The following RTN1 variants were observed in gnomAD, a reference collection of about 807,000 sequenced individuals.
RTN1 encodes the protein reticulon 1.
A neutral mutation model predicts 65.5 loss-of-function variants in RTN1; 25 were observed. The ratio of observed to expected loss-of-function variants is 0.38; its 90% CI spans 0.28 to 0.53. RTN1 has a LOEUF of 0.53. Among genes scored for constraint, RTN1 ranks in the 20% least tolerant of loss-of-function variants. The probability of loss-of-function intolerance (pLI) is 0.79; values close to 1 mark genes in which losing one functional copy is unlikely to be tolerated. For missense variants in RTN1, 983 were observed against 1,025.4 expected (o/e 0.96, Z 0.57); for synonymous variants, 471 against 447.6 (o/e 1.05, Z -0.66).
chr14:59,818,948 A>G (rs1886872187), intron 1 of RTN1, among the ~76,000 whole-genome samples: 1 of 152,142 alleles, frequency 6.6e-6, no homozygotes, highest in East Asian at 1.9e-4. Context: ...GTGAGTGTTA[A>G]AGCTCTTAAA....
intron 3 of RTN1, among the ~76,000 whole-genome samples, chr14:59,693,064 C>T (rs1015736363): frequency 9.2e-5 from 14 of 152,146 alleles, no homozygotes; most frequent in African/African-American, 3.4e-4. Context: ...ATGGAGGTCA[C>T]ATGAATGGGC....
At chr14:59,758,232 T>C (rs1045742318) in intron 1 of RTN1, among the ~76,000 whole-genome samples, 1 of 152,118 alleles carries the variant, frequency 6.6e-6, no homozygotes, top group African/African-American at 2.4e-5. Context: ...TCCTAAGTGT[T>C]CTCCAGCTTC....
chr14:59,624,641 T>C (rs1401523424), intron 3 of RTN1, among the ~76,000 whole-genome samples: 3 of 152,126 alleles, frequency 2.0e-5, no homozygotes, highest in African/African-American at 4.8e-5. Context: ...TTTGTATTTT[T>C]AGTAGAGATG....
Position 59,694,120 on chromosome 14 carries a change from C to T in RTN1, c.1765+32799G>A, listed in dbSNP as rs372947814. ...ATACCACCTTTCAGCAAAGGGTCTT[C>T]ATCGCCTTTTCCTTCTTTAGCCAGG... On this transcript the variant is annotated intron_variant, in intron 3 of 8. Transcript: ENST00000267484. Among the ~76,000 whole-genome samples the T allele has an allele frequency of 4.5e-4, 69 of 152,290 alleles. 2 individuals are homozygous for T. Among genetic ancestry groups the T allele is most frequent in the East Asian group, 2.3e-3 (12 of 5,182 alleles).
chr14:59,690,870 G>GA (rs899066921), intron 3 of RTN1, among the ~76,000 whole-genome samples: 2 of 151,766 alleles, frequency 1.3e-5, no homozygotes, highest in African/African-American at 4.8e-5. Flanking sequence ...AAGGTATAAA[G>GA]AAAAAAAATT....
chr14:59,650,827 C>T (rs1029802042), intron 3 of RTN1, among the ~76,000 whole-genome samples: 1 of 152,148 alleles, frequency 6.6e-6, no homozygotes, highest in Non-Finnish European at 1.5e-5. Context: ...AATGGCCATA[C>T]TGGCCAAAGA....
At chr14:59,733,687 A>AG (rs1047413276) in intron 2 of RTN1, among the ~76,000 whole-genome samples, 3 of 152,096 alleles carry the variant, frequency 2.0e-5, no homozygotes, top group Non-Finnish European at 4.4e-5. Flanking sequence ...TCCTCCTTGC[A>AG]GGGGGGTCCT....
chr14:59,797,450 T>C (rs568536734), intron 1 of RTN1, among the ~76,000 whole-genome samples: 94 of 152,260 alleles, frequency 6.2e-4, no homozygotes, highest in Non-Finnish European at 1.2e-3. Flanking sequence ...CAGTCTTCTG[T>C]CCTGTAAAGC....
At position 59,846,490 on chromosome 14, in the gene RTN1, A is replaced by G. The variant is rs1887413186; in HGVS notation, c.241+23900T>C. 6.6e-6 allele frequency among the ~76,000 whole-genome samples: 1 copy of G among 151,742 alleles called. No homozygotes were observed. Among genetic ancestry groups the G allele is most frequent in the African/African-American group, 2.4e-5 (1 of 41,284 alleles). On this transcript the variant is annotated intron_variant, in intron 1 of 8. Coordinates refer to ENST00000267484, the MANE Select transcript of RTN1 (RefSeq NM_021136.3). This position sits in a 1 kb window ranked among gnomAD's most constrained non-coding sequence, Gnocchi z 4.8. ...CTTTGTTCCTGAGGTCTCAGTATTC[A>G]CCTCAGAGTCCCTACCCAGACACCC...
At chr14:59,811,816 G>A (rs1886734503) in intron 1 of RTN1, among the ~76,000 whole-genome samples, 1 of 152,266 alleles carries the variant, frequency 6.6e-6, no homozygotes, top group Non-Finnish European at 1.5e-5. Flanking sequence ...GCTACATTAC[G>A]TGAACAACTG....
intron 1 of RTN1, among the ~76,000 whole-genome samples, chr14:59,787,500 A>G (rs1287811216): frequency 6.6e-6 from 1 of 152,206 alleles, no homozygotes; most frequent in African/African-American, 2.4e-5. Context: ...CGTTTATTAG[A>G]TGGCAGTGAT....
chr14:59,718,732 A>G (rs933079289), intron 3 of RTN1, among the ~76,000 whole-genome samples: 6 of 152,216 alleles, frequency 3.9e-5, no homozygotes, highest in Non-Finnish European at 7.3e-5. Flanking sequence ...CAGACACACA[A>G]AAAAACGAGT....
chr14:59,684,913 C>G (rs894662904), intron 3 of RTN1, among the ~76,000 whole-genome samples: 7 of 151,978 alleles, frequency 4.6e-5, no homozygotes, highest in African/African-American at 1.4e-4. Flanking sequence ...ATTCTCATCT[C>G]TTCAGTCCTT....
At chr14:59,764,318 TG>T (rs1334017502) in intron 1 of RTN1, among the ~76,000 whole-genome samples, 3 of 151,824 alleles carry the variant, frequency 2.0e-5, no homozygotes, top group Non-Finnish European at 4.4e-5. Flanking sequence ...ATTTGTGAAG[TG>T]CTACTTTTTT....
intron 3 of RTN1, among the ~76,000 whole-genome samples, chr14:59,693,519 G>A (rs570639461): frequency 3.6e-4 from 55 of 151,922 alleles, no homozygotes; most frequent in Non-Finnish European, 6.8e-4. Flanking sequence ...CACCCTCACC[G>A]TCCTATCAGA....
intron 1 of RTN1, among the ~76,000 whole-genome samples, chr14:59,755,036 A>G (rs923592597): frequency 3.3e-5 from 5 of 152,310 alleles, no homozygotes; most frequent in Admixed American, 1.3e-4. Context: ...AAGTGCCTAC[A>G]GATGCCTTCT....
At chr14:59,679,958 C>G (rs897009732) in intron 3 of RTN1, among the ~76,000 whole-genome samples, 3 of 152,124 alleles carry the variant, frequency 2.0e-5, no homozygotes, top group Non-Finnish European at 4.4e-5. Flanking sequence ...TCAGACTTAT[C>G]AACAGAATCT....
At chr14:59,828,550 T>C (rs1249555325) in intron 1 of RTN1, among the ~76,000 whole-genome samples, 1 of 152,162 alleles carries the variant, frequency 6.6e-6, no homozygotes, top group Admixed American at 6.5e-5. Context: ...GGTTGCAGAC[T>C]TCTATTTACA....
chr14:59,764,534 G>A (rs762640247), intron 1 of RTN1, among the ~76,000 whole-genome samples: 4 of 151,900 alleles, frequency 2.6e-5, no homozygotes, highest in South Asian at 4.2e-4. Context: ...GTTGGCCAGG[G>A]TGGTCTCGAA....
Sources: gnomAD v4.1 joint callset for allele counts (sites outside exome capture counted in the v4.1 genomes callset) on GRCh38, gnomAD v4.1.1 for gene constraint, Gnocchi (gnomAD v3.1) non-coding constraint, MANE v1.5 for transcripts, NCBI Gene and HGNC (gene_info 2026-07-23, HGNC 2026-07-21) for gene names.